The following CCDC170 variants were observed in gnomAD, a reference collection of about 807,000 sequenced individuals.
CCDC170 encodes the protein coiled-coil domain containing 170, also known as coiled-coil domain-containing protein 170.
Under a neutral mutation model 72.6 loss-of-function variants are expected in CCDC170, and 69 were observed. That is an observed-to-expected ratio of 0.95 (90% CI 0.78 to 1.16). CCDC170 has a LOEUF of 1.16. Among genes scored for constraint, CCDC170 ranks in the 50% most tolerant of loss-of-function variants. The pLI, the probability that CCDC170 is intolerant of heterozygous loss-of-function variation, is 0.00. For missense variants in CCDC170, 852 were observed against 832.5 expected (o/e 1.02, Z -0.29); for synonymous variants, 300 against 303.9 (o/e 0.99, Z 0.13).
chr6:151,545,147 C>T (rs1473011755), intron 4 of CCDC170, among the ~76,000 whole-genome samples: 3 of 152,116 alleles, frequency 2.0e-5, no homozygotes, highest in East Asian at 1.9e-4. Flanking sequence ...TGGCTGGGCG[C>T]GGTGACTCAC....
At chr6:151,573,081 T>C (rs1776246742) in intron 5 of CCDC170, 93 bp from the exon 6 acceptor site, 2 of 1,160,206 alleles carry the variant, frequency 1.7e-6, no homozygotes, top group Non-Finnish European at 2.5e-6. Context: ...TTGTAGTCAT[T>C]AGCAGGCAAA....
intron 1 of CCDC170, among the ~76,000 whole-genome samples, chr6:151,522,999 C>T (rs894441230): frequency 2.0e-5 from 3 of 152,090 alleles, no homozygotes; most frequent in South Asian, 2.1e-4. Flanking sequence ...ATCCAAGAAC[C>T]CTCTCTTGGG....
At chr6:151,552,779 CTTTTTTTTTTTTTT>C (rs71014597) in intron 5 of CCDC170, among the ~76,000 whole-genome samples, 12 of 56,708 alleles carry the variant, frequency 2.1e-4, no homozygotes, top group Admixed American at 1.9e-3. Context: ...TCAGCCAATT[CTTTTTTTTTTTTTT>C]TTTTTTTTTT....
chr6:151,604,729 T>G (rs1356460604), intron 9 of CCDC170, among the ~76,000 whole-genome samples: 3 of 152,192 alleles, frequency 2.0e-5, no homozygotes, highest in African/African-American at 7.2e-5. Flanking sequence ...TTCTGCTACA[T>G]TCCTGCTTAG....
intron 9 of CCDC170, among the ~76,000 whole-genome samples, chr6:151,609,536 A>G (rs1357327113): frequency 6.6e-6 from 1 of 152,220 alleles, no homozygotes; most frequent in Admixed American, 6.5e-5. Context: ...CAGTAGATAC[A>G]GTGTTTATGA....
intron 3 of CCDC170, among the ~76,000 whole-genome samples, chr6:151,544,032 T>C (rs1052356844): frequency 3.3e-5 from 5 of 152,350 alleles, no homozygotes; most frequent in Admixed American, 2.0e-4. Flanking sequence ...TTGCTGGTGA[T>C]TGAACACATC....
At chr6:151,562,050 A>AT (rs1200933310) in intron 5 of CCDC170, among the ~76,000 whole-genome samples, 1 of 151,914 alleles carries the variant, frequency 6.6e-6, no homozygotes, top group African/African-American at 2.4e-5. Context: ...TACTTTAGTG[A>AT]TTTTTTTCAA....
chr6:151,586,213 A>G (rs1776449288), intron 7 of CCDC170, 124 bp downstream of exon 7: 1 of 931,688 alleles, frequency 1.1e-6, no homozygotes, highest in Non-Finnish European at 1.6e-6. Flanking sequence ...GGTTAAGTCA[A>G]TTTCAAGGAA....
At chr6:151,508,479 A>G (rs531919550) in intron 1 of CCDC170, among the ~76,000 whole-genome samples, 35 of 152,066 alleles carry the variant, frequency 2.3e-4, no homozygotes, top group Non-Finnish European at 4.3e-4. Context: ...CAGAGGTTGC[A>G]GTGAGCAAAG....
At chr6:151,504,320 AG>A (rs1782035950) in intron 1 of CCDC170, among the ~76,000 whole-genome samples, 1 of 152,212 alleles carries the variant, frequency 6.6e-6, no homozygotes, top group Admixed American at 6.5e-5. Flanking sequence ...ATTATGTGCC[AG>A]GCAACAAATG....
chr6:151,500,753 C>T (rs970779948), intron 1 of CCDC170, among the ~76,000 whole-genome samples: 2 of 151,832 alleles, frequency 1.3e-5, no homozygotes, highest in African/African-American at 4.8e-5. Flanking sequence ...TGTATATGTT[C>T]CTAAGAACAC....
At chr6:151,559,906 G>T (rs1014141391) in intron 5 of CCDC170, among the ~76,000 whole-genome samples, 1 of 140,412 alleles carries the variant, frequency 7.1e-6, no homozygotes, top group Non-Finnish European at 1.6e-5. Context: ...AACTTTTTAT[G>T]TTGCTCATCC....
In CCDC170 at chr6:151,612,668, A is replaced by G. The variant is rs147369093; in HGVS notation, c.1711-2775A>G. Reference sequence around the variant, plus strand: ...TCCCTGGCTTGCTTCCTTCCTGACAATCTCCCCCTTTACCCAAATTCTACC... The same window carrying G: ...TCCCTGGCTTGCTTCCTTCCTGACAGTCTCCCCCTTTACCCAAATTCTACC... On this transcript the variant is annotated intron_variant, in intron 9 of 10. Transcript: ENST00000239374. 3.9e-5 allele frequency among the ~76,000 whole-genome samples: 6 copies of G among 152,152 alleles called. No homozygotes were observed. The East Asian group carries it at 9.7e-4, about 25-fold the overall frequency.
intron 8 of CCDC170, among the ~76,000 whole-genome samples, chr6:151,595,768 G>C (rs1275654240): frequency 6.6e-6 from 1 of 152,050 alleles, no homozygotes; most frequent in Non-Finnish European, 1.5e-5. Context: ...GCAGTGAGCT[G>C]TGATCATGCC....
intron 5 of CCDC170, among the ~76,000 whole-genome samples, chr6:151,562,262 C>T (rs1776045825): frequency 6.6e-6 from 1 of 152,178 alleles, no homozygotes; most frequent in African/African-American, 2.4e-5. Flanking sequence ...AGAGCTAGTG[C>T]AATGCTTTGG....
intron 7 of CCDC170, among the ~76,000 whole-genome samples, chr6:151,592,383 A>G (rs1238734995): frequency 6.6e-6 from 1 of 152,032 alleles, no homozygotes; most frequent in Non-Finnish European, 1.5e-5. Context: ...AAATAAACAA[A>G]TAAATAAATA....
At chr6:151,524,061 T>A (rs1377428486) in intron 1 of CCDC170, among the ~76,000 whole-genome samples, 2 of 152,230 alleles carry the variant, frequency 1.3e-5, no homozygotes, top group Admixed American at 1.3e-4. Context: ...AAGAAACCGA[T>A]GAGGGCTGGG....
chr6:151,616,721 A>G (rs1179705819), intron 10 of CCDC170, among the ~76,000 whole-genome samples: 1 of 152,170 alleles, frequency 6.6e-6, no homozygotes, highest in African/African-American at 2.4e-5. Context: ...TCTTTCTCAC[A>G]GTTCTGGAGG....
chr6:151,522,350 G>T (rs576214741), intron 1 of CCDC170, among the ~76,000 whole-genome samples: 4 of 152,162 alleles, frequency 2.6e-5, no homozygotes, highest in African/African-American at 9.6e-5. Context: ...TCTTTTCAAA[G>T]AATTAATATG....
Sources: gnomAD v4.1 joint callset for allele counts (sites outside exome capture counted in the v4.1 genomes callset) on GRCh38, gnomAD v4.1.1 for gene constraint, MANE v1.5 for transcripts, NCBI Gene and HGNC (gene_info 2026-07-23, HGNC 2026-07-21) for gene names.